The following ZFP36L2 variants were observed in gnomAD, a reference collection of about 807,000 sequenced individuals.
ZFP36L2 encodes mRNA decay activator protein ZFP36L2.
Under a neutral mutation model 27.9 loss-of-function variants are expected in ZFP36L2, and 16 were observed. That is an observed-to-expected ratio of 0.57 (90% CI 0.39 to 0.87). ZFP36L2 has a LOEUF of 0.87. ZFP36L2 is among the 40% of genes least tolerant of loss of function. The probability of loss-of-function intolerance (pLI) is 0.00; values close to 1 mark genes in which losing one functional copy is unlikely to be tolerated. For synonymous variants in ZFP36L2, 600 were observed against 363.8 expected, an observed-to-expected ratio of 1.65 and a Z score of -7.39; for missense variants, 989 against 726.9, an observed-to-expected ratio of 1.36 and a Z score of -4.15.
At position 43,224,879 on chromosome 2, in the gene ZFP36L2, C is replaced by A; in HGVS notation, c.925G>T (p.Ala309Ser). 1 of 1,512,210 alleles carries A rather than the reference C, an allele frequency of 6.6e-7. No homozygotes were observed. The highest frequency in any genetic ancestry group is 2.3e-4 in the Middle Eastern group (1 of 4,414). The allele number at this position is 1,512,210 out of a possible 1,614,324, so 93.7% of individuals were successfully genotyped here. Residue 309 changes from alanine to serine, a missense_variant, in exon 2 of 2, where the codon GCC becomes TCC. Transcript: ENST00000282388. ...CSSSASSCSS[A>S]SAASTPSGAP... ...CCCGAGGGCGTGGAGGCCGCGGAGG[C>A]CGAGGAACAGGAGGAGGCGGAGGAG... is the stretch of plus-strand genomic sequence containing the variant.
rs968258207 is a variant in ZFP36L2, at chr2:43,222,767, A to G, written c.*1552T>C. On this transcript the variant is annotated 3_prime_UTR_variant, in exon 2 of 2. Transcript: ENST00000282388. ...CACTAAGGCGGTTGCTTCACTTTAT[A>G]TCTATATAAAAAAAGTGGTAAAAAT... 2.6e-5 allele frequency: 4 copies of G among 152,102 alleles called. No homozygotes were observed. The highest frequency in any genetic ancestry group is 9.7e-5 in the African/African-American group (4 of 41,294). 9.4% of individuals were successfully genotyped at this position (152,102 alleles called of 1,614,324 possible).
At position 43,225,184 on chromosome 2, in the gene ZFP36L2, G is replaced by T; in HGVS notation, c.620C>A (p.Pro207His). 1 of 1,600,240 alleles carries T rather than the reference G, an allele frequency of 6.2e-7. No individual in the cohort carries two copies. ...CRTFHTIGFC[P>H]YGPRCHFIHN... ...GATGAAGTGGCAGCGCGGCCCATAGGGGCAGAAGCCGATGGTATGAAAGGT... is the reference window on the plus strand; with the variant it reads ...GATGAAGTGGCAGCGCGGCCCATAGTGGCAGAAGCCGATGGTATGAAAGGT... The change falls in exon 2 of 2, where the codon CCC (proline) becomes CAC (histidine). Residue 207 changes from proline (P) to histidine (H), a missense_variant. By Grantham distance (77) the Pro-to-His change is moderately conservative (BLOSUM62 -2). Transcript: ENST00000282388.
rs1342938511 is a variant in ZFP36L2, at chr2:43,225,625, T to C, written c.179A>G (p.Asn60Ser). ...CGCGGGGTGGGCGAGTGCATGCAGG[T>C]TGCTGGCCGAGTGCCGTCGGAGGAA... ...PGFLRRHSAS[N>S]LHALAHPAPS... The change falls in exon 2 of 2, where the codon AAC becomes AGC. Residue 60 changes from asparagine (N) to serine (S), a missense_variant. Physicochemically the swap from Asn to Ser is conservative, Grantham distance 46. Coordinates refer to ENST00000282388, the MANE Select transcript of ZFP36L2 (RefSeq NM_006887.5). 8.3e-6 allele frequency: 13 copies of C among 1,567,184 alleles called. No individual in the cohort carries two copies. Among genetic ancestry groups the C allele is most frequent in the Non-Finnish European group, 1.1e-5 (13 of 1,164,388 alleles).
rs765058422 is a variant in ZFP36L2, at chr2:43,224,913, C to T, written c.891G>A (p.Ser297=). 1.4e-5 allele frequency: 22 copies of T among 1,548,630 alleles called. 1 individual carries two copies. The highest frequency in any genetic ancestry group is 1.2e-4 in the South Asian group (10 of 85,234). ...AGGAGGAGGCGGAGGAGGAGCAGGA[C>T]GAGGCCGAAGAGCAGGAGGGCGGCG... is the stretch of plus-strand genomic sequence containing the variant. ...TPPPPSCSSA[S]SCSSSASSCS... Residue 297 remains serine (S), a synonymous_variant, in exon 2 of 2, where the codon TCG becomes TCA. Coordinates refer to ENST00000282388, the MANE Select transcript of ZFP36L2 (RefSeq NM_006887.5).
chr2:43,223,549 C>G lies in ZFP36L2; in HGVS notation c.*770G>C, dbSNP rs1428787952. 6.6e-6 allele frequency: 1 copy of G among 152,606 alleles called. No individual in the cohort carries two copies. Among genetic ancestry groups the G allele is most frequent in the Non-Finnish European group, 1.5e-5 (1 of 68,042 alleles). The allele number at this position is 152,606 out of a possible 1,614,324, so 9.5% of individuals were successfully genotyped here. ...TAAAAATTCAGCAGTTATTCTCCAA[C>G]AATTACAAAGTAAGCTCTGCGCAAG... On this transcript the variant is annotated 3_prime_UTR_variant, in exon 2 of 2. Transcript: ENST00000282388.
In ZFP36L2 at chr2:43,224,503, G is replaced by A. The variant is rs1667037890; in HGVS notation, c.1301C>T (p.Pro434Leu). Reference protein sequence around the residue: ...PPSPPFSFQLPRRLSDSPVFD... With the variant: ...PPSPPFSFQLLRRLSDSPVFD... ...CACGGGCGAGTCGGACAGGCGGCGC[G>A]GCAGCTGGAAGCTGAAGGGCGGCGA... Residue 434 changes from proline (P) to leucine (L), a missense_variant, in exon 2 of 2, where the codon CCG becomes CTG. Physicochemically the swap from Pro to Leu is moderately conservative, Grantham distance 98. Coordinates refer to ENST00000282388, the MANE Select transcript of ZFP36L2 (RefSeq NM_006887.5). The A allele has an allele frequency of 3.3e-6, 5 of 1,493,254 alleles. No individual in the cohort carries two copies. Among genetic ancestry groups the A allele is most frequent in the South Asian group, 1.2e-5 (1 of 80,762 alleles). 92.5% of individuals were successfully genotyped at this position (1,493,254 alleles called of 1,614,324 possible).
In ZFP36L2 at chr2:43,225,693, C is replaced by A. The variant is rs1335475181; in HGVS notation, c.111G>T (p.Gly37=). ...LNNMLDKKAV[G]TPVAAAPSSG... ...AGCTGGGGGCGGCGGCCACAGGCGT[C>A]CCCACCGCCTTCTTGTCCAGCATGT... The change falls in exon 2 of 2, where the codon GGG becomes GGT. Residue 37 remains glycine (G), a synonymous_variant. Transcript: ENST00000282388. 1 of 1,595,298 alleles carries A rather than the reference C, an allele frequency of 6.3e-7. No individual in the cohort carries two copies. Among genetic ancestry groups the A allele is most frequent in the South Asian group, 1.1e-5 (1 of 90,820 alleles).
rs776482982 is a variant in ZFP36L2 at position 43,224,671 on chromosome 2, A to C, written c.1133T>G (p.Ile378Ser). The change falls in exon 2 of 2, where the codon ATC becomes AGC. Residue 378 changes from isoleucine (I) to serine (S), a missense_variant. Ile to Ser is a moderately radical substitution (Grantham distance 142). Coordinates refer to ENST00000282388, the MANE Select transcript of ZFP36L2 (RefSeq NM_006887.5). ...CACGGCGGCAAAGTTGTGGGTCTGG[A>C]TGGCGAGCGGCGTGATGAGGCTGCT... is the stretch of plus-strand genomic sequence containing the variant. ...ELSSLITPLA[I>S]QTHNFAAVAA... 1 of 1,537,770 alleles carries C rather than the reference A, an allele frequency of 6.5e-7. No homozygotes were observed. The highest frequency in any genetic ancestry group is 8.7e-7 in the Non-Finnish European group (1 of 1,147,502).
In ZFP36L2 at chr2:43,225,638, G is replaced by A. The variant is rs1316344619; in HGVS notation, c.166C>T (p.His56Tyr). Reference protein sequence around the residue: ...SGFAPGFLRRHSASNLHALAH... With the variant: ...SGFAPGFLRRYSASNLHALAH... Reference sequence around the variant, plus strand: ...AGTGCATGCAGGTTGCTGGCCGAGTGCCGTCGGAGGAATCCCGGCGCGAAG... The same window carrying A: ...AGTGCATGCAGGTTGCTGGCCGAGTACCGTCGGAGGAATCCCGGCGCGAAG... The change falls in exon 2 of 2, where the codon CAC (histidine) becomes TAC (tyrosine). Residue 56 changes from histidine (H) to tyrosine (Y), a missense_variant. Physicochemically the swap from His to Tyr is moderately conservative, Grantham distance 83. Transcript: ENST00000282388. 2 of 1,574,740 alleles carry A rather than the reference G, an allele frequency of 1.3e-6. No homozygotes were observed. The highest frequency in any genetic ancestry group is 1.7e-6 in the Non-Finnish European group (2 of 1,168,596).
In ZFP36L2 at chr2:43,226,522, A is replaced by T; in HGVS notation, c.-207T>A. On this transcript the variant is annotated 5_prime_UTR_variant, in exon 1 of 2. Transcript: ENST00000282388. The stretch of plus-strand genomic sequence containing the variant: ...GGAGTGCGGCAGGGGGGAAGGAGAG[A>T]AGCGAGGAGCGCTCCTCCGCGCCCC... 1.7e-6 allele frequency: 1 copy of T among 577,788 alleles called. No homozygotes were observed. Among genetic ancestry groups the T allele is most frequent in the Non-Finnish European group, 2.9e-6 (1 of 342,206 alleles). The allele number at this position is 577,788 out of a possible 1,614,324, so 35.8% of individuals were successfully genotyped here.
chr2:43,224,864 T>C lies in ZFP36L2; in HGVS notation c.940A>G (p.Thr314Ala). The change falls in exon 2 of 2, where the codon ACG becomes GCG. Residue 314 changes from threonine (T) to alanine (A), a missense_variant. Physicochemically the swap from Thr to Ala is moderately conservative, Grantham distance 58. Coordinates refer to ENST00000282388, the MANE Select transcript of ZFP36L2 (RefSeq NM_006887.5). ...SSCSSASAASTPSGAPTCCAS... is the reference protein window; with the variant it reads ...SSCSSASAASAPSGAPTCCAS... Reference sequence around the variant, plus strand: ...CAGCATGTCGGGGCGCCCGAGGGCGTGGAGGCCGCGGAGGCCGAGGAACAG... The same window carrying C: ...CAGCATGTCGGGGCGCCCGAGGGCGCGGAGGCCGCGGAGGCCGAGGAACAG... 1 of 1,489,478 alleles carries C rather than the reference T, an allele frequency of 6.7e-7. No homozygotes were observed. Among genetic ancestry groups the C allele is most frequent in the South Asian group, 1.3e-5 (1 of 78,444 alleles). 92.3% of individuals were successfully genotyped at this position (1,489,478 alleles called of 1,614,324 possible).
In ZFP36L2 at chr2:43,226,169, G is replaced by T. The variant is rs962121499; in HGVS notation, c.51+96C>A. 7.4e-6 allele frequency: 11 copies of T among 1,491,982 alleles called. No individual in the cohort carries two copies. In the East Asian group the frequency reaches 1.5e-4, roughly 20 times the overall value. The allele number at this position is 1,491,982 out of a possible 1,614,324, so 92.4% of individuals were successfully genotyped here. On this transcript the variant is annotated intron_variant, in intron 1 of 1. Transcript: ENST00000282388. Reference sequence around the variant, plus strand: ...ACCCCGGGACTTTCCCGACCTGAAAGGCAGGGCGGGAGGGGCGTCCCCCAG... The same window carrying T: ...ACCCCGGGACTTTCCCGACCTGAAATGCAGGGCGGGAGGGGCGTCCCCCAG...
At position 43,224,226 on chromosome 2, in the gene ZFP36L2, A is replaced by C. The variant is rs1258030527; in HGVS notation, c.*93T>G. ...GCCTAGGGCCCATGTCACCCCCCCCACTCCCGTGCCCCCAGCAAGGGCGAG... is the reference window on the plus strand; with the variant it reads ...GCCTAGGGCCCATGTCACCCCCCCCCCTCCCGTGCCCCCAGCAAGGGCGAG... On this transcript the variant is annotated 3_prime_UTR_variant, in exon 2 of 2. Transcript: ENST00000282388. The C allele has an allele frequency of 2.3e-6, 3 of 1,317,492 alleles. No homozygotes were observed. Among genetic ancestry groups the C allele is most frequent in the Admixed American group, 2.9e-5 (1 of 34,440 alleles). The allele number at this position is 1,317,492 out of a possible 1,614,324, so 81.6% of individuals were successfully genotyped here. A position where few individuals can be genotyped will look rare whatever the true frequency, so the allele number is the denominator to read the frequency against.
chr2:43,225,684 C>T lies in ZFP36L2; in HGVS notation c.120G>A (p.Val40=), dbSNP rs1005183034. Residue 40 remains valine, a synonymous_variant, in exon 2 of 2, where the codon GTG becomes GTA. Coordinates refer to ENST00000282388, the MANE Select transcript of ZFP36L2 (RefSeq NM_006887.5). ...MLDKKAVGTP[V]AAAPSSGFAP... ...CGAAGCCCGAGCTGGGGGCGGCGGC[C>T]ACAGGCGTCCCCACCGCCTTCTTGT... is the stretch of plus-strand genomic sequence containing the variant. The T allele has an allele frequency of 1.3e-5, 21 of 1,594,084 alleles. No homozygotes were observed. The African/African-American group carries it at 2.0e-4, about 15-fold the overall frequency.
Position 43,224,542 on chromosome 2 carries a change from G to GCC in ZFP36L2, c.1260_1261dup (p.Ala421GlyfsTer41). ...GAAGGGCGGCGAGGGAGGTGCGGCG[G>GCC]CCCCGGCGGGGAGGGTCGCGCTGGG... On this transcript the variant is annotated frameshift_variant, in exon 2 of 2. Transcript: ENST00000282388. LOFTEE classifies it high-confidence loss of function. 6.9e-7 allele frequency: 1 copy of GCC among 1,440,748 alleles called. No individual in the cohort carries two copies. The highest frequency in any genetic ancestry group is 1.4e-5 in the South Asian group (1 of 72,092). The allele number at this position is 1,440,748 out of a possible 1,614,324, so 89.2% of individuals were successfully genotyped here.
In ZFP36L2 at chr2:43,226,540, C is replaced by G; in HGVS notation, c.-225G>C. The G allele has an allele frequency of 1.9e-6, 1 of 536,216 alleles. No homozygotes were observed. Among genetic ancestry groups the G allele is most frequent in the East Asian group, 3.6e-5 (1 of 27,960 alleles). The allele number at this position is 536,216 out of a possible 1,614,324, so 33.2% of individuals were successfully genotyped here. A position where few individuals can be genotyped will look rare whatever the true frequency, so the allele number is the denominator to read the frequency against. On this transcript the variant is annotated 5_prime_UTR_variant, in exon 1 of 2. Coordinates refer to ENST00000282388, the MANE Select transcript of ZFP36L2 (RefSeq NM_006887.5). ...AGGAGAGAAGCGAGGAGCGCTCCTCCGCGCCCCGGGGTGCCCGGCCCGCCC... is the reference window on the plus strand; with the variant it reads ...AGGAGAGAAGCGAGGAGCGCTCCTCGGCGCCCCGGGGTGCCCGGCCCGCCC...
At chr2:43,226,120 G>A (rs1027235333) in intron 1 of ZFP36L2, 145 bp downstream of exon 1, 10 of 1,185,328 alleles carry the variant, frequency 8.4e-6, no homozygotes, top group African/African-American at 7.9e-5. Context: ...CCCGCCTCCA[G>A]GGCGCTCGGA....
At position 43,224,413 on chromosome 2, in the gene ZFP36L2, A is replaced by T; in HGVS notation, c.1391T>A (p.Leu464Gln). The T allele has an allele frequency of 6.4e-7, 1 of 1,556,342 alleles. No homozygotes were observed. Among genetic ancestry groups the T allele is most frequent in the Non-Finnish European group, 8.6e-7 (1 of 1,157,324 alleles). Residue 464 changes from leucine (L) to glutamine (Q), a missense_variant, in exon 2 of 2, where the codon CTG becomes CAG. Transcript: ENST00000282388. ...SDRDSYLSGS[L>Q]SSGSLSGSES... ...AGAGCCGCTGAGGCTGCCGGAGCTC[A>T]GGGAGCCGCTTAGGTAGCTGTCGCG...
intron 1 of ZFP36L2, 148 bp downstream of exon 1, chr2:43,226,117 C>G (rs950580967): frequency 6.0e-6 from 7 of 1,166,886 alleles, no homozygotes; most frequent in Non-Finnish European, 8.5e-6. Flanking sequence ...CTCCCCGCCT[C>G]CAGGGCGCTC....
Sources: allele counts gnomAD v4.1 joint callset, GRCh38; gene constraint gnomAD v4.1.1; transcripts MANE v1.5; gene names NCBI Gene and HGNC (gene_info 2026-07-23, HGNC 2026-07-21).